RNF121: variants seen among roughly 807,000 people sequenced by gnomAD.
RNF121 encodes the protein E3 ubiquitin ligase RNF121.
A neutral mutation model predicts 46.5 loss-of-function variants in RNF121; 21 were observed. The observed-to-expected ratio is 0.45, with a 90% CI of 0.32 to 0.65. The LOEUF (loss-of-function observed/expected upper bound fraction) is 0.65. RNF121 is among the 30% of genes least tolerant of loss of function. The pLI, the probability that RNF121 is intolerant of heterozygous loss-of-function variation, is 0.04. For synonymous variants in RNF121, 139 were observed against 144.7 expected (o/e 0.96, Z 0.28); for missense variants, 346 against 416.0 (o/e 0.83, Z 1.46).
At chr11:71,968,163 G>A (rs145907141) in intron 3 of RNF121, among the ~76,000 whole-genome samples, 2,603 of 151,948 alleles carry the variant, frequency 0.017, 79 homozygotes, top group African/African-American at 0.06. Flanking sequence ...CGGTTCAAGC[G>A]ATTCTCCTGC....
intron 1 of RNF121, among the ~76,000 whole-genome samples, chr11:71,952,762 C>T (rs1206306794): frequency 2.0e-5 from 3 of 152,086 alleles, no homozygotes; most frequent in African/African-American, 4.8e-5. Flanking sequence ...GAGCTGACAT[C>T]GTGCCACTGC....
In RNF121 at chr11:71,964,321, A is replaced by G. The variant is rs1033461628; in HGVS notation, c.243+3430A>G. Among the ~76,000 whole-genome samples the G allele has an allele frequency of 1.3e-5, 2 of 152,226 alleles. 1 individual carries two copies. The highest frequency in any genetic ancestry group is 4.1e-4 in the South Asian group (2 of 4,830). On this transcript the variant is annotated intron_variant, in intron 3 of 8. Coordinates refer to ENST00000361756, the MANE Select transcript of RNF121 (RefSeq NM_018320.5). ...CCTTTTTGAATTATTCATTGCTAAT[A>G]TATAGAATTTCAACTGATCGTTTTG...
Position 71,972,753 on chromosome 11 carries a change from G to A in RNF121, c.244-10008G>A, listed in dbSNP as rs181342819. Among the ~76,000 whole-genome samples, 923 of 152,120 alleles carry A rather than the reference G, an allele frequency of 6.1e-3. 7 individuals carry two copies. The highest frequency in any genetic ancestry group is 0.02 in the African/African-American group (842 of 41,508). On this transcript the variant is annotated intron_variant, in intron 3 of 8. Coordinates refer to ENST00000361756, the MANE Select transcript of RNF121 (RefSeq NM_018320.5). ...AAAATCATCCCTGATGAGAAACACT[G>A]TCCTAGGCTCTAGGACCTAGAGCAA... is the stretch of plus-strand genomic sequence containing the variant.
intron 1 of RNF121, among the ~76,000 whole-genome samples, chr11:71,942,490 C>T (rs1279764447): frequency 1.3e-5 from 2 of 152,020 alleles, no homozygotes; most frequent in African/African-American, 2.4e-5. Context: ...TAGCCGGGCA[C>T]AGTGGCTCAC....
chr11:71,982,829 C>T lies in RNF121; in HGVS notation c.312C>T (p.Phe104=), dbSNP rs138452805. 7.4e-6 allele frequency: 12 copies of T among 1,613,812 alleles called. No individual in the cohort carries two copies. In the African/African-American group the frequency reaches 1.3e-4, roughly 18 times the overall value. Residue 104 remains phenylalanine, a synonymous_variant, in exon 4 of 9, where the codon TTC becomes TTT. Coordinates refer to ENST00000361756, the MANE Select transcript of RNF121 (RefSeq NM_018320.5). ...YFTVKLHWWR[F]LVIWILFSAV... ...CAGTGAAGCTGCACTGGTGGAGGTT[C>T]CTAGTGATCTGGATCTTGTTCTCTG...
Position 71,987,086 on chromosome 11 carries a change from C to G in RNF121, c.481C>G (p.Leu161Val). The G allele has an allele frequency of 1.9e-6, 3 of 1,611,534 alleles. No individual in the cohort carries two copies. Among genetic ancestry groups the G allele is most frequent in the Non-Finnish European group, 2.5e-6 (3 of 1,177,750 alleles). ...TGGCTACATGGCTGTCATGTTTACC[C>G]TCTTTGGTCTTAACTTATTATTCAA... is the stretch of plus-strand genomic sequence containing the variant. Reference protein sequence around the residue: ...IVGYMAVMFTLFGLNLLFKIK... With the variant: ...IVGYMAVMFTVFGLNLLFKIK... Residue 161 changes from leucine to valine, a missense_variant, in exon 5 of 9, where the codon CTC (leucine) becomes GTC (valine). By Grantham distance (32) the Leu-to-Val change is conservative (BLOSUM62 1). Around this residue, in one of 2 missense-constraint regions of RNF121, gnomAD observed 286 missense variants for 383.8 expected, o/e 0.75. Coordinates refer to ENST00000361756, the MANE Select transcript of RNF121 (RefSeq NM_018320.5).
At chr11:71,933,586 C>T (rs762129446) in intron 1 of RNF121, among the ~76,000 whole-genome samples, 1 of 152,194 alleles carries the variant, frequency 6.6e-6, no homozygotes, top group Non-Finnish European at 1.5e-5. Flanking sequence ...CTTGAAGCCA[C>T]CCTTTGAAAA....
At chr11:71,948,662 C>T (rs1170556115) in intron 1 of RNF121, among the ~76,000 whole-genome samples, 12 of 152,048 alleles carry the variant, frequency 7.9e-5, no homozygotes. Flanking sequence ...CCAAAGTGTG[C>T]CACCCTTGTC....
intron 3 of RNF121, among the ~76,000 whole-genome samples, chr11:71,981,810 T>G (rs1420450489): frequency 6.6e-6 from 1 of 152,138 alleles, no homozygotes; most frequent in Non-Finnish European, 1.5e-5. Context: ...TGCCAACAGT[T>G]TTCTAGTTTA....
intron 4 of RNF121, among the ~76,000 whole-genome samples, chr11:71,986,737 C>A (rs1487784800): frequency 1.4e-5 from 2 of 142,314 alleles, no homozygotes; most frequent in Middle Eastern, 3.8e-3. Context: ...CCACTGCACT[C>A]CAGCTTGGGT....
At chr11:71,995,149 A>G (rs1954949818) in intron 7 of RNF121, 1 of 561,594 alleles carries the variant, frequency 1.8e-6, no homozygotes, top group Non-Finnish European at 3.2e-6. Flanking sequence ...GGGATCCCTC[A>G]GTTTAGCATC....
chr11:71,980,327 T>G (rs1369575510), intron 3 of RNF121, among the ~76,000 whole-genome samples: 1 of 140,896 alleles, frequency 7.1e-6, no homozygotes. Context: ...TTCTCACTGT[T>G]TCTTTTTTCC....
chr11:71,942,434 T>C (rs1953595719), intron 1 of RNF121, among the ~76,000 whole-genome samples: 1 of 152,100 alleles, frequency 6.6e-6, no homozygotes, highest in Admixed American at 6.6e-5. Context: ...TTTGGGCTGC[T>C]ATAGTAAAAT....
intron 3 of RNF121, among the ~76,000 whole-genome samples, chr11:71,962,646 CATG>C (rs1389291566): frequency 1.3e-5 from 2 of 152,260 alleles, no homozygotes; most frequent in South Asian, 4.1e-4. Context: ...GATATGCTAA[CATG>C]ATAGCACATC....
chr11:71,955,602 G>A (rs1953972728), intron 1 of RNF121, among the ~76,000 whole-genome samples: 1 of 152,172 alleles, frequency 6.6e-6, no homozygotes. Flanking sequence ...GAAAAATAGG[G>A]AAGGGCATTG....
chr11:71,994,512 C>G (rs1954933208), intron 6 of RNF121, among the ~76,000 whole-genome samples: 1 of 152,068 alleles, frequency 6.6e-6, no homozygotes, highest in Admixed American at 6.6e-5. Context: ...TCACTTCTCC[C>G]CATCTGCCCA....
At chr11:71,964,170 G>T (rs1192108363) in intron 3 of RNF121, among the ~76,000 whole-genome samples, 1 of 151,906 alleles carries the variant, frequency 6.6e-6, no homozygotes, top group East Asian at 1.9e-4. Context: ...ATTTATTTGG[G>T]TCTTTAATCT....
intron 4 of RNF121, 105 bp downstream of exon 4, chr11:71,983,020 G>A: frequency 1.7e-6 from 2 of 1,189,678 alleles, no homozygotes; most frequent in Non-Finnish European, 1.1e-6. Flanking sequence ...GGTTTTGTCT[G>A]CCAAAATTAT....
intron 5 of RNF121, among the ~76,000 whole-genome samples, chr11:71,988,019 G>T (rs1954801708): frequency 6.6e-6 from 1 of 152,212 alleles, no homozygotes; most frequent in Non-Finnish European, 1.5e-5. Flanking sequence ...CATTCGACAA[G>T]ATTTCTAAGG....
Sources: allele counts gnomAD v4.1 joint callset (sites outside exome capture counted in the v4.1 genomes callset), GRCh38; gene constraint gnomAD v4.1.1; regional missense constraint gnomAD v4.1.1; transcripts MANE v1.5; gene names NCBI Gene and HGNC (gene_info 2026-07-23, HGNC 2026-07-21).